MEI4: variants seen among roughly 807,000 people sequenced by gnomAD.
MEI4 encodes the protein meiosis-specific protein MEI4.
MEI4 carries 27 observed loss-of-function variants against 31.4 expected under a neutral mutation model. That is an observed-to-expected ratio of 0.86 (90% CI 0.63 to 1.19). MEI4 has a LOEUF of 1.19. MEI4 is among the 50% of genes most tolerant of loss of function. The pLI is 0.00. For missense variants in MEI4, 329 were observed against 398.9 expected, an observed-to-expected ratio of 0.82 and a Z score of 1.49; for synonymous variants, 122 against 145.4, an observed-to-expected ratio of 0.84 and a Z score of 1.16.
intron 4 of MEI4, among the ~76,000 whole-genome samples, chr6:77,912,891 C>G (rs1011011023): frequency 1.8e-4 from 28 of 152,036 alleles, no homozygotes; most frequent in Non-Finnish European, 3.7e-4. Flanking sequence ...GTTCCAGTAG[C>G]AAGAGGAAAA....
At chr6:77,887,266 A>C (rs1272304822) in intron 4 of MEI4, among the ~76,000 whole-genome samples, 1 of 150,920 alleles carries the variant, frequency 6.6e-6, no homozygotes, top group Non-Finnish European at 1.5e-5. Flanking sequence ...CAATTTCCAA[A>C]TATCCTCTTA....
At chr6:77,822,303 T>C (rs2127708965) in intron 3 of MEI4, among the ~76,000 whole-genome samples, 1 of 152,294 alleles carries the variant, frequency 6.6e-6, no homozygotes, top group South Asian at 2.1e-4. Flanking sequence ...GCCCTGACCC[T>C]GTGAAGTTTC....
Position 77,860,698 on chromosome 6 carries a change from A to G in MEI4, c.900+31636A>G, listed in dbSNP as rs185861407. On this transcript the variant is annotated intron_variant, in intron 4 of 4. Coordinates refer to ENST00000684080, the MANE Select transcript of MEI4 (RefSeq NM_001322247.2). The stretch of plus-strand genomic sequence containing the variant: ...CATATATATTATGTATATATAGTAC[A>G]TGTATATTGAATATCAGTGTCTCCA... Among the ~76,000 whole-genome samples the G allele has an allele frequency of 2.0e-5, 3 of 152,230 alleles. No individual in the cohort carries two copies. In the East Asian group the frequency reaches 5.8e-4, roughly 30 times the overall value.
chr6:77,763,234 C>A (rs934039665), intron 3 of MEI4, among the ~76,000 whole-genome samples: 12 of 151,808 alleles, frequency 7.9e-5, no homozygotes, highest in African/African-American at 2.9e-4. Context: ...GCAGATGGAC[C>A]AAGTCTTGGA....
rs558187660 is a variant in MEI4 at position 77,903,837 on chromosome 6, A to G, written c.901-19252A>G. On this transcript the variant is annotated intron_variant, in intron 4 of 4. Transcript: ENST00000684080. ...TATGATAATGTGGTGCATTACATTTATAGGAACATTTATGTTATATATAGT... is the reference window on the plus strand; with the variant it reads ...TATGATAATGTGGTGCATTACATTTGTAGGAACATTTATGTTATATATAGT... 2.0e-5 allele frequency among the ~76,000 whole-genome samples: 3 copies of G among 152,216 alleles called. No homozygotes were observed. The East Asian group carries it at 5.8e-4, about 29-fold the overall frequency.
intron 3 of MEI4, among the ~76,000 whole-genome samples, chr6:77,801,944 C>T (rs1207647626): frequency 6.6e-6 from 1 of 152,152 alleles, no homozygotes; most frequent in East Asian, 1.9e-4. Flanking sequence ...AATGTATATT[C>T]TGTTAATTTG....
chr6:77,758,153 CACA>C (rs1244807460), intron 2 of MEI4, among the ~76,000 whole-genome samples: 1 of 46,244 alleles, frequency 2.2e-5, no homozygotes, highest in Non-Finnish European at 4.1e-5. Context: ...GACTCCATCT[CACA>C]AAAAAAAAAA....
intron 3 of MEI4, among the ~76,000 whole-genome samples, chr6:77,776,278 C>CT (rs1331964523): frequency 5.9e-5 from 9 of 151,852 alleles, no homozygotes; most frequent in African/African-American, 1.7e-4. Flanking sequence ...CTTTTGAGGG[C>CT]TTTTTTTCTG....
chr6:77,901,891 T>C (rs1352895069), intron 4 of MEI4, among the ~76,000 whole-genome samples: 1 of 152,134 alleles, frequency 6.6e-6, no homozygotes, highest in Non-Finnish European at 1.5e-5. Context: ...TTGTATATGG[T>C]GTGAGATGAG....
intron 2 of MEI4, among the ~76,000 whole-genome samples, chr6:77,703,020 T>A (rs566747579): frequency 6.6e-6 from 1 of 152,316 alleles, no homozygotes; most frequent in South Asian, 2.1e-4. Flanking sequence ...CTGTACTTTT[T>A]TATATGTGAG....
chr6:77,815,971 A>C (rs1162958749), intron 3 of MEI4, among the ~76,000 whole-genome samples: 1 of 152,066 alleles, frequency 6.6e-6, no homozygotes, highest in Non-Finnish European at 1.5e-5. Flanking sequence ...TTATAGGCAG[A>C]GCCAATTTTT....
At chr6:77,870,871 T>G (rs1771173898) in intron 4 of MEI4, among the ~76,000 whole-genome samples, 1 of 152,224 alleles carries the variant, frequency 6.6e-6, no homozygotes, top group African/African-American at 2.4e-5. Flanking sequence ...CTTCTCCCTT[T>G]TAAAATGACT....
intron 2 of MEI4, among the ~76,000 whole-genome samples, chr6:77,700,239 C>T (rs1005791208): frequency 1.3e-5 from 2 of 152,216 alleles, no homozygotes; most frequent in African/African-American, 4.8e-5. Context: ...GTGGTGGGCT[C>T]CACCCAGTTT....
At chr6:77,741,572 A>C (rs1767401581) in intron 2 of MEI4, among the ~76,000 whole-genome samples, 1 of 152,156 alleles carries the variant, frequency 6.6e-6, no homozygotes, top group Non-Finnish European at 1.5e-5. Context: ...TTGATGGGTC[A>C]TGAAGTATCC....
intron 4 of MEI4, among the ~76,000 whole-genome samples, chr6:77,879,226 G>A (rs962265184): frequency 9.9e-5 from 15 of 152,190 alleles, no homozygotes; most frequent in African/African-American, 3.1e-4. Flanking sequence ...ATATGACAGT[G>A]TTTTCTGTTT....
intron 4 of MEI4, among the ~76,000 whole-genome samples, chr6:77,883,303 G>A (rs1293376943): frequency 6.6e-6 from 1 of 151,772 alleles, no homozygotes; most frequent in Non-Finnish European, 1.5e-5. Flanking sequence ...TCTTTGTGTG[G>A]GGAACATTTC....
chr6:77,664,893 C>A (rs1027325891), intron 1 of MEI4, among the ~76,000 whole-genome samples: 1 of 151,972 alleles, frequency 6.6e-6, no homozygotes, highest in Non-Finnish European at 1.5e-5. Context: ...TGGGGTCAAG[C>A]GGCATTGCAG....
intron 3 of MEI4, among the ~76,000 whole-genome samples, chr6:77,792,380 A>G (rs550651290): frequency 6.6e-6 from 1 of 152,224 alleles, no homozygotes; most frequent in East Asian, 1.9e-4. Flanking sequence ...GGGAATCTTT[A>G]TAATGTTTTC....
intron 2 of MEI4, among the ~76,000 whole-genome samples, chr6:77,746,657 G>A (rs1190394633): frequency 2.0e-5 from 3 of 149,588 alleles, no homozygotes; most frequent in Non-Finnish European, 4.4e-5. Flanking sequence ...GTGTGTGTGT[G>A]TGTGTGTGTG....
Sources: gnomAD v4.1 joint callset for allele counts (sites outside exome capture counted in the v4.1 genomes callset) on GRCh38, gnomAD v4.1.1 for gene constraint, MANE v1.5 for transcripts, NCBI Gene and HGNC (gene_info 2026-07-23, HGNC 2026-07-21) for gene names.